Variants in THADA observed in about 807,000 individuals in gnomAD.
THADA encodes the protein THADA armadillo repeat containing, also known as tRNA (32-2'-O)-methyltransferase regulator THADA.
THADA carries 213 observed loss-of-function variants against 219.8 expected under a neutral mutation model. The observed-to-expected ratio is 0.97, with a 90% CI of 0.87 to 1.09. The LOEUF is 1.09. Among genes scored for constraint, THADA ranks in the 50% least tolerant of loss-of-function variants. The pLI is 0.00. For synonymous variants in THADA, 1,018 were observed against 828.9 expected (o/e 1.23, Z -3.92); for missense variants, 2,956 against 2,311.3 (o/e 1.28, Z -5.72).
At chr2:43,256,086 G>T (rs1209325661) in intron 36 of THADA, among the ~76,000 whole-genome samples, 1 of 152,198 alleles carries the variant, frequency 6.6e-6, no homozygotes, top group Non-Finnish European at 1.5e-5. Context: ...TCCCCTGCCT[G>T]TAAGAAGAGG....
rs373096415 is a variant in THADA at position 43,549,251 on chromosome 2, T to A, written c.3065A>T (p.Asn1022Ile). Residue 1022 changes from asparagine (N) to isoleucine (I), a missense_variant, in exon 20 of 38, where the codon AAT becomes ATT. Physicochemically the swap from Asn to Ile is moderately radical, Grantham distance 149. Coordinates refer to ENST00000405975, the MANE Select transcript of THADA (RefSeq NM_022065.5). ...EHDSFDMKDL[N>I]ASVVNIDTST... The stretch of plus-strand genomic sequence containing the variant: ...AGTATCAATATTCACCACACTAGCA[T>A]TCAAGTCCTTCATATCAAAGCTATC... 18 of 1,591,448 alleles carry A rather than the reference T, an allele frequency of 1.1e-5. No individual in the cohort carries two copies. Among genetic ancestry groups the A allele is most frequent in the Admixed American group, 1.1e-4 (6 of 55,458 alleles).
At chr2:43,253,921 G>C (rs528443618) in intron 36 of THADA, among the ~76,000 whole-genome samples, 4 of 152,156 alleles carry the variant, frequency 2.6e-5, no homozygotes, top group African/African-American at 9.6e-5. Flanking sequence ...TGTTGTTTTT[G>C]CTGCCCACCT....
chr2:43,592,003 T>A lies in THADA; in HGVS notation c.120A>T (p.Leu40Phe), dbSNP rs1322977584. The change falls in exon 3 of 38, where the codon TTA (leucine) becomes TTT (phenylalanine). Residue 40 changes from leucine (L) to phenylalanine (F), a missense_variant. Transcript: ENST00000405975. ...VEGKNLASLLLHCVQLTDGVS... is the reference protein window; with the variant it reads ...VEGKNLASLLFHCVQLTDGVS... ...CTCCATCCGTGAGTTGCACACAATG[T>A]AACAGCAAAGAAGCTAGATTTTTCC... 2 of 1,564,238 alleles carry A rather than the reference T, an allele frequency of 1.3e-6. No homozygotes were observed. Among genetic ancestry groups the A allele is most frequent in the Non-Finnish European group, 8.7e-7 (1 of 1,152,890 alleles).
intron 36 of THADA, among the ~76,000 whole-genome samples, chr2:43,243,524 G>A (rs1205403189): frequency 1.3e-5 from 2 of 152,040 alleles, no homozygotes; most frequent in African/African-American, 4.8e-5. Flanking sequence ...AGTCTAGTAC[G>A]CCGGTCTCTA....
chr2:43,392,368 A>G (rs1329421998), intron 29 of THADA, among the ~76,000 whole-genome samples: 3 of 152,178 alleles, frequency 2.0e-5, no homozygotes, highest in Non-Finnish European at 4.4e-5. Context: ...TCCTTATTTA[A>G]GAAACTCCAG....
At chr2:43,388,519 G>A (rs1023093451) in intron 29 of THADA, among the ~76,000 whole-genome samples, 1 of 152,136 alleles carries the variant, frequency 6.6e-6, no homozygotes, top group East Asian at 1.9e-4. Context: ...CATGATAAAA[G>A]AGTCCTTTGT....
At chr2:43,454,014 G>T (rs1682681614) in intron 26 of THADA, among the ~76,000 whole-genome samples, 1 of 152,150 alleles carries the variant, frequency 6.6e-6, no homozygotes, top group South Asian at 2.1e-4. Flanking sequence ...AAGTAGCTAG[G>T]ACTACAGGCA....
At chr2:43,241,752 T>G (rs1222493016) in intron 36 of THADA, among the ~76,000 whole-genome samples, 2 of 152,056 alleles carry the variant, frequency 1.3e-5, no homozygotes, top group Non-Finnish European at 2.9e-5. Flanking sequence ...GCTTCCAGCC[T>G]GGGACCGCCC....
At chr2:43,366,316 T>C (rs1041120725) in intron 29 of THADA, among the ~76,000 whole-genome samples, 2 of 152,204 alleles carry the variant, frequency 1.3e-5, no homozygotes, top group Non-Finnish European at 2.9e-5. Context: ...GCATAGGGAT[T>C]CAGTCAATTA....
chr2:43,435,899 T>C (rs901670343), intron 26 of THADA, among the ~76,000 whole-genome samples: 2 of 152,088 alleles, frequency 1.3e-5, no homozygotes, highest in Non-Finnish European at 2.9e-5. Context: ...TGCTTCTTTC[T>C]TTCTTTCCCC....
rs185585791 is a variant in THADA at position 43,302,923 on chromosome 2, A to C, written c.4439-9710T>G. On this transcript the variant is annotated intron_variant, in intron 31 of 37. Transcript: ENST00000405975. ...AGCCTGGGCAACATAGTGAGACCCT[A>C]TCTCTAAAAACTAAAAACTAAGAAA... Among the ~76,000 whole-genome samples, 683 of 152,164 alleles carry C rather than the reference A, an allele frequency of 4.5e-3. 10 individuals are homozygous for C. Among genetic ancestry groups the C allele is most frequent in the African/African-American group, 0.016 (651 of 41,502 alleles).
chr2:43,581,791 C>T lies in THADA; in HGVS notation c.671G>A (p.Trp224Ter). Residue 224 changes from tryptophan to a stop codon, truncating the protein, a stop_gained, in exon 8 of 38, where the codon TGG becomes TAG. Transcript: ENST00000405975. LOFTEE classifies it high-confidence loss of function. ...NLWKTSDSPI[W>*]QNMCGLLSIF... is the part of the protein sequence containing the mutation. ...ACTCAGCAATCCACACATATTTTGC[C>T]ATATGGGAGAATCGGAAGTCTTCCA... 1 of 1,612,504 alleles carries T rather than the reference C, an allele frequency of 6.2e-7. No individual in the cohort carries two copies. Among genetic ancestry groups the T allele is most frequent in the Non-Finnish European group, 8.5e-7 (1 of 1,179,626 alleles).
At chr2:43,538,016 G>C (rs1694825358) in intron 21 of THADA, among the ~76,000 whole-genome samples, 1 of 151,916 alleles carries the variant, frequency 6.6e-6, no homozygotes. Context: ...TCTTACTCGT[G>C]TGATTTCTGT....
chr2:43,438,551 G>A (rs1680435833), intron 26 of THADA, among the ~76,000 whole-genome samples: 1 of 152,174 alleles, frequency 6.6e-6, no homozygotes, highest in East Asian at 1.9e-4. Context: ...GGCATCAGAA[G>A]GCTTGTACAA....
At chr2:43,528,033 T>G in intron 21 of THADA, 45 bp from the exon 22 acceptor site, 1 of 1,443,600 alleles carries the variant, frequency 6.9e-7, no homozygotes, top group Non-Finnish European at 9.7e-7. Context: ...ATGTTTACAT[T>G]CGCAAGTGTA....
intron 26 of THADA, among the ~76,000 whole-genome samples, chr2:43,453,048 A>G (rs1207615899): frequency 6.6e-6 from 1 of 152,188 alleles, no homozygotes; most frequent in Non-Finnish European, 1.5e-5. Context: ...GTCTGTGAAC[A>G]CTCAGGCTGA....
chr2:43,528,409 C>T lies in THADA; in HGVS notation c.3265-421G>A, dbSNP rs150107709. ...TCTCCCAAAGTGCTGGGATTACATG[C>T]GTGAGCCACTGTGCCCAGCCATTTT... On this transcript the variant is annotated intron_variant, in intron 21 of 37. Coordinates refer to ENST00000405975, the MANE Select transcript of THADA (RefSeq NM_022065.5). 7.6e-4 allele frequency among the ~76,000 whole-genome samples: 116 copies of T among 152,256 alleles called. 1 individual carries two copies. The highest frequency in any genetic ancestry group is 2.5e-3 in the African/African-American group (105 of 41,554).
chr2:43,443,319 G>A (rs1050890302), intron 26 of THADA, among the ~76,000 whole-genome samples: 4 of 152,178 alleles, frequency 2.6e-5, no homozygotes, highest in African/African-American at 7.2e-5. Flanking sequence ...TACACAAAAT[G>A]CATCATCAGG....
intron 29 of THADA, among the ~76,000 whole-genome samples, chr2:43,376,541 T>C (rs143390372): frequency 6.6e-6 from 1 of 152,342 alleles, no homozygotes; most frequent in East Asian, 1.9e-4. Context: ...ATGAAGCCTA[T>C]TTCTGTCTCA....
Sources: allele counts gnomAD v4.1 joint callset (sites outside exome capture counted in the v4.1 genomes callset), GRCh38; gene constraint gnomAD v4.1.1; transcripts MANE v1.5; gene names NCBI Gene and HGNC (gene_info 2026-07-23, HGNC 2026-07-21).